KANK4: variants seen among roughly 807,000 people sequenced by gnomAD.
KANK4 encodes KN motif and ankyrin repeat domain-containing protein 4.
Under a neutral mutation model 80.8 loss-of-function variants are expected in KANK4, and 50 were observed. The ratio of observed to expected loss-of-function variants is 0.62; its 90% CI spans 0.49 to 0.78. The LOEUF (loss-of-function observed/expected upper bound fraction) is 0.78. Among genes scored for constraint, KANK4 ranks in the 30% least tolerant of loss-of-function variants. The pLI is 0.00. For synonymous variants in KANK4, 465 were observed against 506.9 expected, an observed-to-expected ratio of 0.92 and a Z score of 1.11; for missense variants, 1,196 against 1,240.1, an observed-to-expected ratio of 0.96 and a Z score of 0.53.
intron 9 of KANK4, among the ~76,000 whole-genome samples, chr1:62,239,079 T>A (rs995281161): frequency 9.9e-5 from 15 of 151,556 alleles, no homozygotes; most frequent in Admixed American, 2.6e-4. Flanking sequence ...TTTTTTTTTT[T>A]AATTTTTTAA....
At chr1:62,310,631 C>T (rs1465399115) in intron 1 of KANK4, among the ~76,000 whole-genome samples, 1 of 152,148 alleles carries the variant, frequency 6.6e-6, no homozygotes, top group African/African-American at 2.4e-5. Flanking sequence ...AGAGGGACAG[C>T]CATGCACAGC....
chr1:62,291,997 A>G (rs1672689611), intron 1 of KANK4, among the ~76,000 whole-genome samples: 1 of 152,134 alleles, frequency 6.6e-6, no homozygotes, highest in South Asian at 2.1e-4. Context: ...TCACCACCCC[A>G]AAAAGAAATG....
At chr1:62,312,391 G>C (rs920123288) in intron 1 of KANK4, among the ~76,000 whole-genome samples, 13 of 152,282 alleles carry the variant, frequency 8.5e-5, no homozygotes, top group African/African-American at 1.2e-4. Flanking sequence ...AAATAAAGAT[G>C]CTTTTTTTCC....
In KANK4 at chr1:62,268,522, A is replaced by G. The variant is rs1466585759; in HGVS notation, c.2013-17T>C. The G allele has an allele frequency of 3.1e-6, 5 of 1,605,578 alleles. No individual in the cohort carries two copies. The highest frequency in any genetic ancestry group is 3.4e-6 in the Non-Finnish European group (4 of 1,173,576). On this transcript the variant is annotated splice_polypyrimidine_tract_variant and intron_variant, in intron 4 of 9. Transcript: ENST00000371153. ...GTCTCATACCTGGGGTAGAAAACAA[A>G]GGTCACTCGTCCTGTCTTTCCTGCC...
chr1:62,250,763 G>C (rs1030585255), intron 8 of KANK4, among the ~76,000 whole-genome samples: 1 of 152,194 alleles, frequency 6.6e-6, no homozygotes, highest in African/African-American at 2.4e-5. Flanking sequence ...AACATTAGCT[G>C]TATTGAGTCT....
chr1:62,315,345 C>G (rs1473977969), intron 1 of KANK4, among the ~76,000 whole-genome samples: 1 of 152,148 alleles, frequency 6.6e-6, no homozygotes, highest in Non-Finnish European at 1.5e-5. Context: ...GTTTTATGGT[C>G]ATTTAATATG....
intron 2 of KANK4, 45 bp downstream of exon 2, chr1:62,281,504 C>G (rs747591241): frequency 6.2e-7 from 1 of 1,613,244 alleles, no homozygotes; most frequent in African/African-American, 1.3e-5. Context: ...CTTTCCCAGC[C>G]CAAGTGCTTA....
rs1671668972 is a variant in KANK4, at chr1:62,253,316, C to G, written c.2540-107G>C. The G allele has an allele frequency of 8.8e-6, 9 of 1,019,316 alleles. No individual in the cohort carries two copies. The East Asian group carries it at 2.5e-4, about 29-fold the overall frequency. 63.1% of individuals were successfully genotyped at this position (1,019,316 alleles called of 1,614,324 possible). On this transcript the variant is annotated intron_variant, in intron 7 of 9. Transcript: ENST00000371153. The stretch of plus-strand genomic sequence containing the variant: ...TGCTCGCTGGTTAGAAAGCCATGGA[C>G]TAGAGCAATGCTTTCCACAGCTGGA...
rs935280130 is a variant in KANK4 at position 62,285,847 on chromosome 1, T to C, written c.-70-4213A>G. On this transcript the variant is annotated intron_variant, in intron 1 of 9. Transcript: ENST00000371153. ...ATGCCAAGATGATGAGAGCTTCCTCTTTCCCCATCCCAGGACCCCAGCCTT... is the reference window on the plus strand; with the variant it reads ...ATGCCAAGATGATGAGAGCTTCCTCCTTCCCCATCCCAGGACCCCAGCCTT... Among the ~76,000 whole-genome samples the C allele has an allele frequency of 5.3e-5, 8 of 152,144 alleles. No individual in the cohort carries two copies. The East Asian group carries it at 1.2e-3, about 22-fold the overall frequency.
At chr1:62,297,073 C>T (rs1035845907) in intron 1 of KANK4, among the ~76,000 whole-genome samples, 56 of 151,570 alleles carry the variant, frequency 3.7e-4, no homozygotes, top group African/African-American at 1.3e-3. Context: ...AAAAATTAGC[C>T]GGGTGTGGTG....
chr1:62,307,990 C>G (rs975128626), intron 1 of KANK4, among the ~76,000 whole-genome samples: 1 of 152,118 alleles, frequency 6.6e-6, no homozygotes. Flanking sequence ...TCACACCTCA[C>G]CCCCTGCCTT....
At position 62,317,798 on chromosome 1, in the gene KANK4, C is replaced by A. The variant is rs184340702; in HGVS notation, c.-71+1308G>T. On this transcript the variant is annotated intron_variant, in intron 1 of 9. Coordinates refer to ENST00000371153, the MANE Select transcript of KANK4 (RefSeq NM_181712.5). ...GTGATTTAATTCCTGTTGGTGTTGGCCACTGGAATGCAAGCTCCATGAGGC... is the reference window on the plus strand; with the variant it reads ...GTGATTTAATTCCTGTTGGTGTTGGACACTGGAATGCAAGCTCCATGAGGC... 3.5e-3 allele frequency among the ~76,000 whole-genome samples: 531 copies of A among 152,288 alleles called. 5 individuals carry two copies. The highest frequency in any genetic ancestry group is 3.3e-3 in the Non-Finnish European group (222 of 68,038).
chr1:62,301,767 T>A (rs983617001), intron 1 of KANK4, among the ~76,000 whole-genome samples: 1 of 152,016 alleles, frequency 6.6e-6, no homozygotes, highest in African/African-American at 2.4e-5. Context: ...CTTATCACAG[T>A]GCCTGCAGTG....
intron 1 of KANK4, among the ~76,000 whole-genome samples, chr1:62,290,540 G>C (rs1672656960): frequency 6.6e-6 from 1 of 152,112 alleles, no homozygotes; most frequent in African/African-American, 2.4e-5. Flanking sequence ...CTGGTGCCCA[G>C]GATATAATAA....
chr1:62,293,062 T>TTGTGTGTGTGTGTG (rs5774593), intron 1 of KANK4, among the ~76,000 whole-genome samples: 2 of 146,682 alleles, frequency 1.4e-5, no homozygotes, highest in Non-Finnish European at 3.0e-5. Flanking sequence ...GTCTCAATCT[T>TTGTGTGTGTGTGTG]TGTGTGTGTG....
intron 2 of KANK4, among the ~76,000 whole-genome samples, chr1:62,279,191 A>AGCGCGCGCGCGCGC (rs766521694): frequency 7.2e-6 from 1 of 139,326 alleles, no homozygotes; most frequent in African/African-American, 2.7e-5. Flanking sequence ...TTCCTAAGCT[A>AGCGCGCGCGCGCGC]GCGCGCGCAC....
intron 1 of KANK4, among the ~76,000 whole-genome samples, chr1:62,306,840 C>T (rs191854597): frequency 7.6e-4 from 115 of 152,292 alleles, no homozygotes; most frequent in African/African-American, 2.6e-3. Context: ...TTCCTCTCCT[C>T]CTTTTCCAAA....
Position 62,253,126 on chromosome 1 carries a change from C to A in KANK4, c.2623G>T (p.Asp875Tyr). Residue 875 changes from aspartate (D) to tyrosine (Y), a missense_variant, in exon 8 of 10, where the codon GAC becomes TAC. Physicochemically the swap from Asp to Tyr is radical, Grantham distance 160 (BLOSUM62 -3). Around this residue, in one of 3 missense-constraint regions of KANK4, gnomAD observed 1,154 missense variants for 1,179.6 expected, o/e 0.98. Transcript: ENST00000371153. ...TPLASAETNE[D>Y]MAVVWKLLRE... ...AAGAGCTTCCAGACAACAGCCATGT[C>A]TTCATTGGTCTCTGCGGAAGCCAAG... The A allele has an allele frequency of 6.2e-7, 1 of 1,614,028 alleles. No homozygotes were observed. Among genetic ancestry groups the A allele is most frequent in the South Asian group, 1.1e-5 (1 of 91,014 alleles).
intron 1 of KANK4, among the ~76,000 whole-genome samples, chr1:62,299,901 C>T (rs1644397251): frequency 6.6e-6 from 1 of 152,078 alleles, no homozygotes; most frequent in African/African-American, 2.4e-5. Flanking sequence ...GCTGCCAGTG[C>T]ACACAATGCC....
Sources: allele counts gnomAD v4.1 joint callset (sites outside exome capture counted in the v4.1 genomes callset), GRCh38; gene constraint gnomAD v4.1.1; regional missense constraint gnomAD v4.1.1; transcripts MANE v1.5; gene names NCBI Gene and HGNC (gene_info 2026-07-23, HGNC 2026-07-21).